ARHGAP6: variants seen among roughly 807,000 people sequenced by gnomAD.
ARHGAP6 encodes the protein rho GTPase-activating protein 6.
Under a neutral mutation model 55.7 loss-of-function variants are expected in ARHGAP6, and 16 were observed. The ratio of observed to expected loss-of-function variants is 0.29; its 90% CI spans 0.19 to 0.44. ARHGAP6 has a LOEUF of 0.44. ARHGAP6 is among the 20% of genes least tolerant of loss of function. ARHGAP6 has a pLI of 1.00. For missense variants in ARHGAP6, 698 were observed against 808.9 expected (o/e 0.86, Z 1.66); for synonymous variants, 382 against 360.9 (o/e 1.06, Z -0.66).
intron 1 of ARHGAP6, among the ~76,000 whole-genome samples, chrX:11,400,094 C>A (rs1264913584): frequency 8.9e-6 from 1 of 111,832 alleles, no homozygotes; most frequent in East Asian, 2.8e-4. Flanking sequence ...TGGTTGGCTG[C>A]TAATGAATGC....
chrX:11,222,493 C>A (rs928592880), intron 2 of ARHGAP6, among the ~76,000 whole-genome samples: 1 of 111,651 alleles, frequency 9.0e-6, no homozygotes, highest in African/African-American at 3.3e-5. Flanking sequence ...GATGGTGGAT[C>A]TCTGATGTGA....
intron 2 of ARHGAP6, among the ~76,000 whole-genome samples, chrX:11,206,263 T>C (rs757126555): frequency 9.4e-6 from 1 of 106,639 alleles, no homozygotes; most frequent in East Asian, 2.8e-4. Context: ...AATAACCTTA[T>C]ATTCAATAAA....
chrX:11,655,624 A>C (rs2052629384), intron 1 of ARHGAP6, among the ~76,000 whole-genome samples: 1 of 112,244 alleles, frequency 8.9e-6, no homozygotes, highest in East Asian at 2.8e-4. Flanking sequence ...CGTTTCCCTA[A>C]TAGCTAATGA....
intron 9 of ARHGAP6, among the ~76,000 whole-genome samples, chrX:11,160,558 A>T (rs967931810): frequency 4.5e-5 from 5 of 111,901 alleles, no homozygotes; most frequent in African/African-American, 1.6e-4. Flanking sequence ...TGCAAGCATG[A>T]CAATATTAAT....
intron 1 of ARHGAP6, chrX:11,294,906 C>T (rs1603031438): frequency 1.4e-5 from 16 of 1,132,499 alleles, no homozygotes; most frequent in African/African-American, 7.1e-5. Context: ...TAAAAATCTG[C>T]TCATAGTTGG....
intron 1 of ARHGAP6, among the ~76,000 whole-genome samples, chrX:11,336,569 G>T (rs1189672737): frequency 8.9e-6 from 1 of 111,923 alleles, no homozygotes; most frequent in Non-Finnish European, 1.9e-5. Context: ...TACAGCCCCA[G>T]ATGTCTACCA....
chrX:11,578,201 G>A (rs1448079933), intron 1 of ARHGAP6, among the ~76,000 whole-genome samples: 1 of 111,534 alleles, frequency 9.0e-6, no homozygotes, highest in Admixed American at 9.5e-5. Flanking sequence ...AGCCAGGAAT[G>A]GGCATCCCCC....
intron 1 of ARHGAP6, among the ~76,000 whole-genome samples, chrX:11,558,836 CAAAAAAAAAAAAAAAAA>C (rs58936931): frequency 0.059 from 1,791 of 30,176 alleles, 43 homozygotes; most frequent in South Asian, 0.12. Flanking sequence ...GATTCCATCT[CAAAAAAAAAAAAAAAAA>C]AAAAAAAAAA....
intron 2 of ARHGAP6, among the ~76,000 whole-genome samples, chrX:11,201,987 A>ATGTG (rs1250170973): frequency 2.4e-4 from 7 of 28,791 alleles, no homozygotes; most frequent in Admixed American, 9.5e-4. Flanking sequence ...GAGCATCTGG[A>ATGTG]TCTGTGTGTG....
intron 1 of ARHGAP6, among the ~76,000 whole-genome samples, chrX:11,660,569 AAAAAAAAAAC>A (rs2147208837): frequency 2.4e-5 from 2 of 84,606 alleles, no homozygotes; most frequent in Admixed American, 1.3e-4. Context: ...AAAAAAAAAA[AAAAAAAAAAC>A]CCAACAGGTC....
rs185045984 is a variant in ARHGAP6 at position 11,623,847 on chromosome X, A to G, written c.588+40394T>C. Among the ~76,000 whole-genome samples, 358 of 112,256 alleles carry G rather than the reference A, an allele frequency of 3.2e-3. 3 individuals are homozygous for G. Among genetic ancestry groups the G allele is most frequent in the Non-Finnish European group, 3.7e-3 (198 of 53,266 alleles). On this transcript the variant is annotated intron_variant, in intron 1 of 12. Coordinates refer to ENST00000337414, the MANE Select transcript of ARHGAP6 (RefSeq NM_013427.3). ...GATTCAATGCAATCCCTATCAAAAT[A>G]CCAATGACATTCTTCACAGAAATAG...
intron 1 of ARHGAP6, among the ~76,000 whole-genome samples, chrX:11,574,350 A>G (rs2051569822): frequency 9.1e-6 from 1 of 110,277 alleles, no homozygotes; most frequent in African/African-American, 3.3e-5. Flanking sequence ...AACCAAATCC[A>G]GCAGCACATC....
intron 1 of ARHGAP6, among the ~76,000 whole-genome samples, chrX:11,433,335 C>T (rs868738328): frequency 5.4e-5 from 6 of 111,965 alleles, no homozygotes; most frequent in African/African-American, 6.5e-5. Flanking sequence ...ACAGTAGGTT[C>T]TATTTGGTAT....
chrX:11,605,850 G>A (rs772193214), intron 1 of ARHGAP6, among the ~76,000 whole-genome samples: 1 of 109,763 alleles, frequency 9.1e-6, no homozygotes, highest in Non-Finnish European at 1.9e-5. Flanking sequence ...TATGATCTCG[G>A]TAATGGGTAG....
At position 11,169,553 on chromosome X, in the gene ARHGAP6, G is replaced by A; in HGVS notation, c.1761C>T (p.Ile587=). 8.3e-7 allele frequency: 1 copy of A among 1,204,598 alleles called. No individual in the cohort carries two copies. The highest frequency in any genetic ancestry group is 1.1e-6 in the Non-Finnish European group (1 of 892,337). ...CAATCATCTTTTGCACAACAGCGAT[G>A]ATGGCCGTGCTCTCCTCAGCCCGGG... The part of the protein sequence containing the change: ...SSARAEESTA[I]IAVVQKMIEN... The change falls in exon 9 of 13, where the codon ATC becomes ATT. Residue 587 remains isoleucine, a synonymous_variant. Transcript: ENST00000337414.
At chrX:11,169,342 C>T in intron 9 of ARHGAP6, 163 bp downstream of exon 9, 2 of 372,809 alleles carry the variant, frequency 5.4e-6, no homozygotes, top group Non-Finnish European at 8.9e-6. Context: ...AAAATGACAT[C>T]ATAGTTGTGC....
At chrX:11,276,803 T>G (rs2147525382) in intron 1 of ARHGAP6, among the ~76,000 whole-genome samples, 1 of 112,681 alleles carries the variant, frequency 8.9e-6, no homozygotes, top group African/African-American at 3.2e-5. Context: ...TAGAAAATCA[T>G]GCTTTCTCTG....
At chrX:11,199,989 T>C (rs760896614) in intron 2 of ARHGAP6, among the ~76,000 whole-genome samples, 1 of 112,563 alleles carries the variant, frequency 8.9e-6, no homozygotes, top group Admixed American at 9.4e-5. Flanking sequence ...AAGAATAAAA[T>C]GTCTCATCTT....
At chrX:11,461,773 T>G (rs944832894) in intron 1 of ARHGAP6, among the ~76,000 whole-genome samples, 2 of 111,867 alleles carry the variant, frequency 1.8e-5, no homozygotes, top group Non-Finnish European at 3.8e-5. Context: ...AGGCTAAGGA[T>G]GGAGCTGAAA....
Sources: gnomAD v4.1 joint callset for allele counts (sites outside exome capture counted in the v4.1 genomes callset) on GRCh38, gnomAD v4.1.1 for gene constraint, MANE v1.5 for transcripts, NCBI Gene and HGNC (gene_info 2026-07-23, HGNC 2026-07-21) for gene names.